PCDH15: variants seen among roughly 807,000 people sequenced by gnomAD.
The protein encoded by PCDH15 is protocadherin related 15, also known as protocadherin-15.
In PCDH15, 129 loss-of-function variants were observed where a neutral mutation model predicts 178.5. That is an observed-to-expected ratio of 0.72 (90% confidence interval 0.63 to 0.84). The LOEUF (loss-of-function observed/expected upper bound fraction) is 0.84. PCDH15 is among the 40% of genes least tolerant of loss of function. PCDH15 has a pLI of 0.00. For missense variants in PCDH15, 2,230 were observed against 2,099.9 expected, an observed-to-expected ratio of 1.06 and a Z score of -1.21; for synonymous variants, 800 against 732.0, an observed-to-expected ratio of 1.09 and a Z score of -1.50.
chr10:54,183,498 T>C lies in PCDH15; in HGVS notation c.1536A>G (p.Ile512Met), dbSNP rs754244284. ...ANDNTPTFPEISYDVYVYTDM... is the reference protein window; with the variant it reads ...ANDNTPTFPEMSYDVYVYTDM... ...CTGTATAAACATACACATCATAGGATATTTCAGGGAAGGTTGGCGTGTTAT... is the reference window on the plus strand; with the variant it reads ...CTGTATAAACATACACATCATAGGACATTTCAGGGAAGGTTGGCGTGTTAT... The change falls in exon 13 of 38, where the codon ATA (isoleucine) becomes ATG (methionine). Residue 512 changes from isoleucine to methionine, a missense_variant. Ile to Met is a conservative substitution (Grantham distance 10). Coordinates refer to ENST00000644397, the MANE Select transcript of PCDH15 (RefSeq NM_001384140.1). 1 of 1,613,832 alleles carries C rather than the reference T, an allele frequency of 6.2e-7. No homozygotes were observed. The highest frequency in any genetic ancestry group is 2.2e-5 in the East Asian group (1 of 44,842).
At chr10:55,094,369 C>T (rs1842395075) in intron 2 of PCDH15, among the ~76,000 whole-genome samples, 2 of 151,212 alleles carry the variant, frequency 1.3e-5, no homozygotes, top group Non-Finnish European at 2.9e-5. Flanking sequence ...GGGTGGGGAA[C>T]ATCACACACA....
intron 26 of PCDH15, among the ~76,000 whole-genome samples, chr10:53,885,194 A>G (rs565460118): frequency 6.6e-6 from 1 of 152,148 alleles, no homozygotes; most frequent in South Asian, 2.1e-4. Context: ...GGCTGGGCTT[A>G]TTTTTTATAT....
intron 2 of PCDH15, among the ~76,000 whole-genome samples, chr10:55,492,447 G>C (rs760061609): frequency 4.0e-5 from 6 of 151,606 alleles, no homozygotes; most frequent in Non-Finnish European, 5.9e-5. Context: ...CTAAAAGACC[G>C]TAAAAAGGGT....
intron 9 of PCDH15, among the ~76,000 whole-genome samples, chr10:54,236,429 T>C (rs547433614): frequency 2.3e-3 from 357 of 152,240 alleles, no homozygotes; most frequent in African/African-American, 8.4e-3. Flanking sequence ...TTCAGTCATA[T>C]ATTATCACAA....
intron 1 of PCDH15, among the ~76,000 whole-genome samples, chr10:54,698,589 C>T (rs936765656): frequency 6.6e-6 from 1 of 152,122 alleles, no homozygotes; most frequent in Non-Finnish European, 1.5e-5. Context: ...ACCTGGTTTT[C>T]CACCCTCTAC....
chr10:53,811,677 A>G, intron 35 of PCDH15, 58 bp from the exon 36 acceptor site: 1 of 1,118,798 alleles, frequency 8.9e-7, no homozygotes, highest in Non-Finnish European at 1.3e-6. Flanking sequence ...GTTTCAGGTC[A>G]AAGTCAGATT....
intron 19 of PCDH15, among the ~76,000 whole-genome samples, chr10:54,021,562 G>T (rs2092922568): frequency 1.3e-5 from 2 of 151,698 alleles, no homozygotes; most frequent in Admixed American, 1.3e-4. Context: ...ATTTTGACCA[G>T]GCTTTTTCCC....
intron 2 of PCDH15, among the ~76,000 whole-genome samples, chr10:55,405,323 T>A (rs1838173778): frequency 7.0e-6 from 1 of 142,504 alleles, no homozygotes; most frequent in Non-Finnish European, 1.6e-5. Flanking sequence ...TGTCATGTAA[T>A]TAAAGATAAT....
At chr10:54,757,310 T>G in intron 1 of PCDH15, among the ~76,000 whole-genome samples, 1 of 66,402 alleles carries the variant, frequency 1.5e-5, no homozygotes, top group Admixed American at 2.0e-4. Context: ...TGAGACGGAG[T>G]TTCGCTCTGT....
chr10:54,908,387 G>A (rs948544162), intron 2 of PCDH15, among the ~76,000 whole-genome samples: 5 of 152,154 alleles, frequency 3.3e-5, no homozygotes, highest in Non-Finnish European at 7.3e-5. Context: ...GGTTTGCAGT[G>A]TGGTGCCAGA....
intron 2 of PCDH15, among the ~76,000 whole-genome samples, chr10:55,568,280 G>A (rs569849873): frequency 1.1e-4 from 16 of 152,008 alleles, no homozygotes; most frequent in Non-Finnish European, 1.5e-4. Context: ...CCTTGAGGGC[G>A]TTATATCAAG....
At chr10:55,537,431 G>A (rs1169544416) in intron 2 of PCDH15, among the ~76,000 whole-genome samples, 1 of 146,312 alleles carries the variant, frequency 6.8e-6, no homozygotes, top group Non-Finnish European at 1.6e-5. Context: ...ATGTATGTAT[G>A]TATGTATTTA....
intron 2 of PCDH15, among the ~76,000 whole-genome samples, chr10:55,405,173 T>C (rs1208422840): frequency 6.6e-6 from 1 of 151,318 alleles, no homozygotes; most frequent in Non-Finnish European, 1.5e-5. Flanking sequence ...GGATGAATTA[T>C]GTATTTTCTA....
intron 2 of PCDH15, among the ~76,000 whole-genome samples, chr10:54,577,879 T>A (rs1180878223): frequency 6.6e-6 from 1 of 150,486 alleles, no homozygotes; most frequent in Non-Finnish European, 1.5e-5. Flanking sequence ...AATAAATAAA[T>A]AAATAAATAA....
At chr10:54,626,268 C>T (rs149762319) in intron 2 of PCDH15, among the ~76,000 whole-genome samples, 14 of 152,204 alleles carry the variant, frequency 9.2e-5, no homozygotes, top group Non-Finnish European at 2.1e-4. Context: ...TTCAAGCGGG[C>T]GGCAGAAATT....
At chr10:54,979,637 C>A (rs1173677910) in intron 2 of PCDH15, among the ~76,000 whole-genome samples, 1 of 147,636 alleles carries the variant, frequency 6.8e-6, no homozygotes, top group Non-Finnish European at 1.5e-5. Flanking sequence ...CCACTGTACT[C>A]CAGCCTGGGT....
chr10:55,516,195 T>C (rs1400900706), intron 2 of PCDH15, among the ~76,000 whole-genome samples: 1 of 151,630 alleles, frequency 6.6e-6, no homozygotes, highest in Non-Finnish European at 1.5e-5. Flanking sequence ...TGTGGACGGT[T>C]CCCCCCCATA....
chr10:55,431,343 T>C (rs969982836), intron 2 of PCDH15, among the ~76,000 whole-genome samples: 11 of 152,284 alleles, frequency 7.2e-5, no homozygotes, highest in African/African-American at 1.2e-4. Context: ...TGAAACTGCA[T>C]AGCTTGTTTC....
At chr10:54,485,301 G>T (rs2079024533) in intron 3 of PCDH15, among the ~76,000 whole-genome samples, 1 of 151,770 alleles carries the variant, frequency 6.6e-6, no homozygotes, top group South Asian at 2.1e-4. Context: ...CTAAAAATGT[G>T]TTTCTAGAAA....
Sources: gnomAD v4.1 joint callset for allele counts (sites outside exome capture counted in the v4.1 genomes callset) on GRCh38, gnomAD v4.1.1 for gene constraint, MANE v1.5 for transcripts, NCBI Gene and HGNC (gene_info 2026-07-23, HGNC 2026-07-21) for gene names.